ZNF333: variants seen among roughly 807,000 people sequenced by gnomAD.
ZNF333 encodes zinc finger protein 333.
ZNF333 carries 61 observed loss-of-function variants against 76.1 expected under a neutral mutation model. That is an observed-to-expected ratio of 0.80 (90% CI 0.65 to 0.99). The LOEUF (loss-of-function observed/expected upper bound fraction) is 0.99, where lower values mean the gene tolerates loss of function less well. ZNF333 is among the 50% of genes least tolerant of loss of function. The pLI, the probability that ZNF333 is intolerant of heterozygous loss-of-function variation, is 0.00. For synonymous variants in ZNF333, 284 were observed against 305.0 expected, an observed-to-expected ratio of 0.93 and a Z score of 0.72; for missense variants, 717 against 822.4, an observed-to-expected ratio of 0.87 and a Z score of 1.57.
intron 6 of ZNF333, among the ~76,000 whole-genome samples, chr19:14,705,642 C>T (rs1183509329): frequency 6.6e-6 from 1 of 152,196 alleles, no homozygotes; most frequent in African/African-American, 2.4e-5. Flanking sequence ...ACCCCCAGGC[C>T]GTGGACCAGT....
At chr19:14,729,347 G>C (rs2147048422) in intron 11 of ZNF333, among the ~76,000 whole-genome samples, 1 of 151,812 alleles carries the variant, frequency 6.6e-6, no homozygotes, top group East Asian at 1.9e-4. Flanking sequence ...GGAGATGTTG[G>C]TCAAACGATA....
At chr19:14,694,922 A>T in intron 2 of ZNF333, 88 bp from the exon 3 acceptor site, 1 of 1,581,506 alleles carries the variant, frequency 6.3e-7, no homozygotes, top group Non-Finnish European at 8.6e-7. Context: ...GCTGTGTCTG[A>T]ACATTTTCTC....
chr19:14,715,041 GTGT>G, intron 7 of ZNF333: 1 of 20,324 alleles, frequency 4.9e-5, no homozygotes. Flanking sequence ...AGGCGTGCGT[GTGT>G]GTGTGTGTGT....
At chr19:14,717,290 A>G (rs930990465) in intron 10 of ZNF333, 3 of 556,644 alleles carry the variant, frequency 5.4e-6, no homozygotes, top group Non-Finnish European at 9.5e-6. Context: ...TCCTAGAAAG[A>G]TCTGTCCTAC....
rs749937149 is a variant in ZNF333 at position 14,718,262 on chromosome 19, A to T, written c.935A>T (p.Tyr312Phe). 1.9e-6 allele frequency: 3 copies of T among 1,613,250 alleles called. No homozygotes were observed. Among genetic ancestry groups the T allele is most frequent in the Non-Finnish European group, 2.5e-6 (3 of 1,179,748 alleles). The change falls in exon 12 of 12, where the codon TAT becomes TTT. Residue 312 changes from tyrosine to phenylalanine, a missense_variant. Coordinates refer to ENST00000292530, the MANE Select transcript of ZNF333 (RefSeq NM_032433.4). ...QPQPGEKLYKYNELEKPFNSI... is the reference protein window; with the variant it reads ...QPQPGEKLYKFNELEKPFNSI... Reference sequence around the variant, plus strand: ...CAGCCTGGAGAAAAACTCTATAAATATAATGAACTTGAGAAACCTTTTAAC... The same window carrying T: ...CAGCCTGGAGAAAAACTCTATAAATTTAATGAACTTGAGAAACCTTTTAAC...
At position 14,731,146 on chromosome 19, in the gene ZNF333, A is replaced by G; in HGVS notation, c.901-29A>G. 2.0e-6 allele frequency: 3 copies of G among 1,523,180 alleles called. No homozygotes were observed. The South Asian group carries it at 3.6e-5, about 18-fold the overall frequency. The allele number at this position is 1,523,180 out of a possible 1,614,324, so 94.4% of individuals were successfully genotyped here. A position where few individuals can be genotyped will look rare whatever the true frequency, so the allele number is the denominator to read the frequency against. On this transcript the variant is annotated intron_variant, in intron 11 of 11. Coordinates refer to the ZNF333 transcript ENST00000540689. ...ATTCAATTTCTCTTCTCTTTCCCTC[A>G]TTCTTCCTCCTTATAATTCCCTTTT...
At chr19:14,705,306 G>A (rs1455462318) in intron 6 of ZNF333, 136 bp downstream of exon 6, 1 of 718,050 alleles carries the variant, frequency 1.4e-6, no homozygotes, top group Non-Finnish European at 2.3e-6. Context: ...CTGTGGGCTT[G>A]GGGTGGTGGA....
rs142859199 is a variant in ZNF333, at chr19:14,705,148, C to G, written c.401C>G (p.Pro134Arg). 3.7e-6 allele frequency: 6 copies of G among 1,613,474 alleles called. No homozygotes were observed. The South Asian group carries it at 6.6e-5, about 18-fold the overall frequency. The change falls in exon 6 of 12, where the codon CCG becomes CGG. Residue 134 changes from proline to arginine, a missense_variant. Coordinates refer to ENST00000292530, the MANE Select transcript of ZNF333 (RefSeq NM_032433.4). Reference sequence around the variant, plus strand: ...GAGGACCGGCCAGCTCTCCAGGAGCCGCCTTGGTCTCTGGGATGCACGGTA... The same window carrying G: ...GAGGACCGGCCAGCTCTCCAGGAGCGGCCTTGGTCTCTGGGATGCACGGTA... Reference protein sequence around the residue: ...TREDRPALQEPPWSLGCTGLK... With the variant: ...TREDRPALQERPWSLGCTGLK...
At chr19:14,710,317 C>G (rs574743866) in intron 7 of ZNF333, among the ~76,000 whole-genome samples, 1 of 152,262 alleles carries the variant, frequency 6.6e-6, no homozygotes, top group Non-Finnish European at 1.5e-5. Flanking sequence ...TAGGTGGAGG[C>G]CATTAGGAGT....
In ZNF333 at chr19:14,718,210, A is replaced by G. The variant is rs149391141; in HGVS notation, c.901-18A>G. 6.3e-7 allele frequency: 1 copy of G among 1,590,438 alleles called. No individual in the cohort carries two copies. The highest frequency in any genetic ancestry group is 1.4e-5 in the African/African-American group (1 of 73,804). Reference sequence around the variant, plus strand: ...ATCTAATAAGGCCTTTGGTCTTCACATTTTCCTTCATCGACAGGAGCAACC... The same window carrying G: ...ATCTAATAAGGCCTTTGGTCTTCACGTTTTCCTTCATCGACAGGAGCAACC... On this transcript the variant is annotated intron_variant, in intron 11 of 11. Coordinates refer to ENST00000292530, the MANE Select transcript of ZNF333 (RefSeq NM_032433.4).
Position 14,718,623 on chromosome 19 carries a change from G to A in ZNF333, c.1296G>A (p.Thr432=), listed in dbSNP as rs779954585. ...GTAGTCAGTGTGGGAAAACCTTCAC[G>A]AGGAACTTTAACCTGATTTTGCACC... ...FECSQCGKTF[T]RNFNLILHQR... The change falls in exon 12 of 12, where the codon ACG becomes ACA. Residue 432 remains threonine, a synonymous_variant. Coordinates refer to ENST00000292530, the MANE Select transcript of ZNF333 (RefSeq NM_032433.4). 6 of 1,613,614 alleles carry A rather than the reference G, an allele frequency of 3.7e-6. No individual in the cohort carries two copies. Among genetic ancestry groups the A allele is most frequent in the African/African-American group, 1.3e-5 (1 of 74,892 alleles).
intron 5 of ZNF333, among the ~76,000 whole-genome samples, chr19:14,703,861 G>A (rs1166221869): frequency 1.3e-5 from 2 of 152,192 alleles, no homozygotes; most frequent in Admixed American, 6.5e-5. Flanking sequence ...TTGGCAGGCA[G>A]TTTGGCCCTG....
Position 14,719,434 on chromosome 19 carries a change from G to T in ZNF333, c.*109G>T. On this transcript the variant is annotated 3_prime_UTR_variant, in exon 12 of 12. Coordinates refer to ENST00000292530, the MANE Select transcript of ZNF333 (RefSeq NM_032433.4). ...ATAATATTTTCATTTTGGTTTAATTGTAAGTATTGTCTTAACCTCCATTAT... is the reference window on the plus strand; with the variant it reads ...ATAATATTTTCATTTTGGTTTAATTTTAAGTATTGTCTTAACCTCCATTAT... The T allele has an allele frequency of 7.8e-7, 1 of 1,279,698 alleles. No homozygotes were observed. The highest frequency in any genetic ancestry group is 1.6e-5 in the South Asian group (1 of 63,652). The allele number at this position is 1,279,698 out of a possible 1,614,324, so 79.3% of individuals were successfully genotyped here. A position where few individuals can be genotyped will look rare whatever the true frequency, so the allele number is the denominator to read the frequency against.
chr19:14,697,015 G>T (rs1416617441), intron 4 of ZNF333, among the ~76,000 whole-genome samples: 2 of 152,086 alleles, frequency 1.3e-5, no homozygotes, highest in Admixed American at 6.6e-5. Context: ...GGGATTACAG[G>T]CGTGAGCCAT....
chr19:14,721,718 A>G lies in ZNF333; in HGVS notation c.*2393A>G, dbSNP rs1282882188. 2.0e-5 allele frequency: 3 copies of G among 152,260 alleles called. No individual in the cohort carries two copies. The highest frequency in any genetic ancestry group is 4.4e-5 in the Non-Finnish European group (3 of 68,050). The allele number at this position is 152,260 out of a possible 1,614,324, so 9.4% of individuals were successfully genotyped here. A position where few individuals can be genotyped will look rare whatever the true frequency, so the allele number is the denominator to read the frequency against. On this transcript the variant is annotated 3_prime_UTR_variant, in exon 12 of 12. Transcript: ENST00000292530. ...TCCAGGTTCATCCATGTTATCACAA[A>G]TGACAGAATTTCCTTCCTCATCAAG...
At chr19:14,725,496 A>G (rs1451260016), downstream of ZNF333, among the ~76,000 whole-genome samples, 1 of 152,202 alleles carries the variant, frequency 6.6e-6, no homozygotes, top group Non-Finnish European at 1.5e-5. Context: ...TCCCAAGTCA[A>G]AAGTCTCATC....
chr19:14,692,703 G>C (rs757666911), intron 1 of ZNF333, among the ~76,000 whole-genome samples: 34 of 151,830 alleles, frequency 2.2e-4, no homozygotes, highest in Non-Finnish European at 4.9e-4. Flanking sequence ...AGTAGAGATG[G>C]GGTTTCACCA....
Position 14,721,058 on chromosome 19 carries a change from T to A in ZNF333, c.*1733T>A. On this transcript the variant is annotated 3_prime_UTR_variant, in exon 12 of 12. Coordinates refer to ENST00000292530, the MANE Select transcript of ZNF333 (RefSeq NM_032433.4). Reference sequence around the variant, plus strand: ...ATGATAGTAAATACTTATTTAGAGTTTACTATTAATAGATAGTAGCCACTG... The same window carrying A: ...ATGATAGTAAATACTTATTTAGAGTATACTATTAATAGATAGTAGCCACTG... 1.3e-6 allele frequency: 1 copy of A among 758,556 alleles called. No individual in the cohort carries two copies. Among genetic ancestry groups the A allele is most frequent in the Non-Finnish European group, 1.6e-6 (1 of 623,292 alleles). The allele number at this position is 758,556 out of a possible 1,614,324, so 47.0% of individuals were successfully genotyped here. A position where few individuals can be genotyped will look rare whatever the true frequency, so the allele number is the denominator to read the frequency against.
At chr19:14,721,979 T>C (rs2042594477), downstream of ZNF333, 1 of 152,220 alleles carries the variant, frequency 6.6e-6, no homozygotes, top group African/African-American at 2.4e-5. Context: ...GACCTATCTT[T>C]AGCTTTAGTA....
Sources: gnomAD v4.1 joint callset for allele counts (sites outside exome capture counted in the v4.1 genomes callset) on GRCh38, gnomAD v4.1.1 for gene constraint, MANE v1.5 for transcripts, NCBI Gene and HGNC (gene_info 2026-07-23, HGNC 2026-07-21) for gene names.